Variants in PLEKHH2 observed in about 807,000 individuals in gnomAD.
The protein encoded by PLEKHH2 is pleckstrin homology, MyTH4 and FERM domain containing H2, also known as pleckstrin homology domain-containing family H member 2.
A neutral mutation model predicts 187.9 loss-of-function variants in PLEKHH2; 129 were observed. The observed-to-expected ratio is 0.69, with a 90% confidence interval of 0.59 to 0.79. The LOEUF (loss-of-function observed/expected upper bound fraction) is 0.79, where lower values mean the gene tolerates loss of function less well. Among genes scored for constraint, PLEKHH2 ranks in the 30% least tolerant of loss-of-function variants. The pLI, the probability that PLEKHH2 is intolerant of heterozygous loss-of-function variation, is 0.00. For synonymous variants in PLEKHH2, 686 were observed against 605.6 expected, an observed-to-expected ratio of 1.13 and a Z score of -1.95; for missense variants, 2,076 against 1,751.2, an observed-to-expected ratio of 1.19 and a Z score of -3.31.
intron 2 of PLEKHH2, among the ~76,000 whole-genome samples, chr2:43,659,329 T>A (rs1318198321): frequency 6.6e-6 from 1 of 151,842 alleles, no homozygotes; most frequent in South Asian, 2.1e-4. Context: ...TCTCGCCTGG[T>A]CGTTCTTGTT....
At chr2:43,721,128 C>T (rs527327543) in intron 16 of PLEKHH2, among the ~76,000 whole-genome samples, 3 of 152,208 alleles carry the variant, frequency 2.0e-5, no homozygotes, top group Non-Finnish European at 4.4e-5. Context: ...TATTTCTGTC[C>T]CAAGCCCTCA....
intron 2 of PLEKHH2, among the ~76,000 whole-genome samples, chr2:43,671,992 A>G (rs1667518628): frequency 6.6e-6 from 1 of 152,152 alleles, no homozygotes; most frequent in East Asian, 1.9e-4. Context: ...TTGAGTTTCT[A>G]TTCATTCTTC....
chr2:43,645,750 T>A (rs1477590700), intron 2 of PLEKHH2, among the ~76,000 whole-genome samples: 1 of 152,126 alleles, frequency 6.6e-6, no homozygotes, highest in East Asian at 1.9e-4. Flanking sequence ...AAATTTAAAA[T>A]CACACCTGTG....
chr2:43,735,351 C>T (rs1289507292), intron 19 of PLEKHH2, among the ~76,000 whole-genome samples: 1 of 152,050 alleles, frequency 6.6e-6, no homozygotes, highest in African/African-American at 2.4e-5. Flanking sequence ...TGTTTTCACT[C>T]ATAGGTGGGA....
intron 2 of PLEKHH2, among the ~76,000 whole-genome samples, chr2:43,669,742 G>T (rs1193057033): frequency 2.0e-5 from 3 of 151,812 alleles, no homozygotes; most frequent in African/African-American, 4.8e-5. Flanking sequence ...GTCTCACTCT[G>T]TTGGCCCAGG....
At chr2:43,710,810 T>A in intron 14 of PLEKHH2, 1 of 1,284,278 alleles carries the variant, frequency 7.8e-7, no homozygotes, top group Non-Finnish European at 9.9e-7. Context: ...TCCTTTATAC[T>A]CTTCTTTCCT....
intron 6 of PLEKHH2, among the ~76,000 whole-genome samples, chr2:43,695,886 C>T (rs17031292): frequency 0.042 from 6,338 of 152,220 alleles, 449 homozygotes; most frequent in African/African-American, 0.15. Context: ...CTTGGCATCA[C>T]ACATGCTGAA....
In PLEKHH2 at chr2:43,700,229, C is replaced by G. The variant is rs1471977688; in HGVS notation, c.1271C>G (p.Ser424Cys). 2.5e-6 allele frequency: 4 copies of G among 1,614,076 alleles called. No homozygotes were observed. The highest frequency in any genetic ancestry group is 3.4e-6 in the Non-Finnish European group (4 of 1,180,040). Residue 424 changes from serine (S) to cysteine (C), a missense_variant, in exon 8 of 30, where the codon TCT becomes TGT. Ser to Cys is a moderately radical substitution (Grantham distance 112). Coordinates refer to ENST00000282406, the MANE Select transcript of PLEKHH2 (RefSeq NM_172069.4). ...ATGCCAAAGCATCCTAACTCACTCT[C>G]TGGAAAAGGAACACAATTAGTGCCT... Reference protein sequence around the residue: ...ALMPKHPNSLSGKGTQLVPSS... With the variant: ...ALMPKHPNSLCGKGTQLVPSS...
At chr2:43,744,114 T>A in intron 23 of PLEKHH2, 125 bp downstream of exon 23, 1 of 1,419,474 alleles carries the variant, frequency 7.0e-7, no homozygotes, top group African/African-American at 1.4e-5. Flanking sequence ...CAATCTAATC[T>A]CCACGATAAG....
intron 3 of PLEKHH2, 131 bp downstream of exon 3, chr2:43,679,056 A>G (rs1668026520): frequency 3.9e-6 from 2 of 511,674 alleles, no homozygotes; most frequent in African/African-American, 2.0e-5. Flanking sequence ...AGCTTGATCC[A>G]TAAAGAAAAT....
chr2:43,683,910 T>C (rs1668366419), intron 3 of PLEKHH2, among the ~76,000 whole-genome samples: 1 of 152,164 alleles, frequency 6.6e-6, no homozygotes, highest in Non-Finnish European at 1.5e-5. Context: ...TACAGCAAAA[T>C]TGATGGTGTA....
At chr2:43,652,416 C>T (rs1053518739) in intron 2 of PLEKHH2, among the ~76,000 whole-genome samples, 10 of 152,212 alleles carry the variant, frequency 6.6e-5, no homozygotes, top group African/African-American at 2.4e-4. Context: ...ATCCAGAACT[C>T]TGCTACACTA....
chr2:43,715,302 T>C (rs571119872), intron 15 of PLEKHH2, among the ~76,000 whole-genome samples: 1 of 150,906 alleles, frequency 6.6e-6, no homozygotes, highest in South Asian at 2.1e-4. Flanking sequence ...AAAAAAAAAA[T>C]CTCGAAGCAG....
chr2:43,681,205 A>G (rs1283029598), intron 3 of PLEKHH2: 6 of 670,570 alleles, frequency 8.9e-6, no homozygotes, highest in Non-Finnish European at 1.6e-5. Flanking sequence ...GAATACAGAA[A>G]GCTGTTTCTC....
intron 18 of PLEKHH2, among the ~76,000 whole-genome samples, chr2:43,730,472 C>T (rs1313130123): frequency 6.6e-6 from 1 of 152,226 alleles, no homozygotes; most frequent in Non-Finnish European, 1.5e-5. Context: ...GATCTCCGCT[C>T]ACTGCAACCT....
Position 43,767,482 on chromosome 2 carries a change from A to T in PLEKHH2, c.*1884A>T, listed in dbSNP as rs1672663020. 1 of 152,364 alleles carries T rather than the reference A, an allele frequency of 6.6e-6. No individual in the cohort carries two copies. Among genetic ancestry groups the T allele is most frequent in the Non-Finnish European group, 1.5e-5 (1 of 68,034 alleles). The allele number at this position is 152,364 out of a possible 1,614,324, so 9.4% of individuals were successfully genotyped here. ...TACATCTTTTGAGCCACAGTCGCCC[A>T]TCGAATAAGCAAATTTGTTTTTGAG... On this transcript the variant is annotated 3_prime_UTR_variant, in exon 30 of 30. Coordinates refer to ENST00000282406, the MANE Select transcript of PLEKHH2 (RefSeq NM_172069.4).
intron 25 of PLEKHH2, among the ~76,000 whole-genome samples, chr2:43,754,450 T>C (rs1672133578): frequency 6.6e-6 from 1 of 152,078 alleles, no homozygotes. Context: ...TGAGAAAACT[T>C]CTCAGCAGCT....
rs570943008 is a variant in PLEKHH2 at position 43,657,203 on chromosome 2, G to A, written c.123+12407G>A. Among the ~76,000 whole-genome samples, 10 of 152,254 alleles carry A rather than the reference G, an allele frequency of 6.6e-5. No individual in the cohort carries two copies. In the East Asian group the frequency reaches 1.2e-3, roughly 18 times the overall value. ...GAGGGTGGACTCACTGCGGGTGCTCGGACAGCTGGGTCTGGATATCCAAGA... is the reference window on the plus strand; with the variant it reads ...GAGGGTGGACTCACTGCGGGTGCTCAGACAGCTGGGTCTGGATATCCAAGA... On this transcript the variant is annotated intron_variant, in intron 2 of 29. Transcript: ENST00000282406.
chr2:43,676,391 T>C, intron 2 of PLEKHH2: 1 of 1,311,506 alleles, frequency 7.6e-7, no homozygotes, highest in East Asian at 2.4e-5. Flanking sequence ...GTCCCGCGCC[T>C]TCCGGAGCTG....
Sources: gnomAD v4.1 joint callset for allele counts (sites outside exome capture counted in the v4.1 genomes callset) on GRCh38, gnomAD v4.1.1 for gene constraint, MANE v1.5 for transcripts, NCBI Gene and HGNC (gene_info 2026-07-23, HGNC 2026-07-21) for gene names.